Variants in PTPRJ observed in about 807,000 individuals in gnomAD.
The protein encoded by PTPRJ is receptor-type tyrosine-protein phosphatase eta.
A neutral mutation model predicts 141.3 loss-of-function variants in PTPRJ; 129 were observed. That is an observed-to-expected ratio of 0.91 (90% CI 0.79 to 1.06). PTPRJ has a LOEUF of 1.06. PTPRJ is among the 50% of genes least tolerant of loss of function. PTPRJ has a pLI of 0.00. For synonymous variants in PTPRJ, 610 were observed against 640.5 expected (o/e 0.95, Z 0.72); for missense variants, 1,601 against 1,679.7 (o/e 0.95, Z 0.82).
At chr11:48,092,005 C>T (rs1855876927) in intron 1 of PTPRJ, among the ~76,000 whole-genome samples, 1 of 152,068 alleles carries the variant, frequency 6.6e-6, no homozygotes, top group Non-Finnish European at 1.5e-5. Context: ...TTTAGAAATG[C>T]AGGTAGGTGG....
At chr11:48,120,918 C>A in intron 3 of PTPRJ, 85 bp from the exon 4 acceptor site, 1 of 1,269,508 alleles carries the variant, frequency 7.9e-7, no homozygotes, top group East Asian at 2.5e-5. Context: ...AAAGTCACTT[C>A]TGGAAACTAG....
Position 48,046,910 on chromosome 11 carries a change from A to AT in PTPRJ, c.97-63147dup, listed in dbSNP as rs1281439545. Among the ~76,000 whole-genome samples the AT allele has an allele frequency of 1.4e-3, 121 of 87,058 alleles. 1 individual carries two copies. Among genetic ancestry groups the AT allele is most frequent in the African/African-American group, 6.8e-3 (88 of 12,856 alleles). 57.1% of individuals were successfully genotyped at this position (87,058 alleles called of 152,430 possible). On this transcript the variant is annotated intron_variant, in intron 1 of 24. Coordinates refer to ENST00000418331, the MANE Select transcript of PTPRJ (RefSeq NM_002843.4). Reference sequence around the variant, plus strand: ...TTTACATATATATATATATATATATATATTTTTTTTTTTTTTTTTTTTTGA... The same window carrying AT: ...TTTACATATATATATATATATATATATTATTTTTTTTTTTTTTTTTTTTTGA...
At chr11:48,136,426 T>G (rs139766371) in intron 9 of PTPRJ, 130 bp downstream of exon 9, 123 of 1,167,162 alleles carry the variant, frequency 1.1e-4, no homozygotes, top group Non-Finnish European at 1.4e-4. Context: ...GTTGAAAACA[T>G]TGGTCTCAGC....
intron 1 of PTPRJ, among the ~76,000 whole-genome samples, chr11:48,050,520 A>G (rs963266922): frequency 9.2e-5 from 14 of 152,236 alleles, no homozygotes; most frequent in Admixed American, 3.3e-4. Flanking sequence ...TTCAATATGT[A>G]TAGTTCCTGT....
intron 1 of PTPRJ, among the ~76,000 whole-genome samples, chr11:48,058,039 G>C (rs1482342737): frequency 6.6e-6 from 1 of 151,974 alleles, no homozygotes; most frequent in East Asian, 1.9e-4. Context: ...AGCCTCCCGA[G>C]TAGCTGGGAT....
intron 1 of PTPRJ, among the ~76,000 whole-genome samples, chr11:48,030,796 A>G (rs1590418854): frequency 6.6e-6 from 1 of 151,960 alleles, no homozygotes; most frequent in East Asian, 1.9e-4. Context: ...TTCCTGCTGC[A>G]TCAGCTCTCT....
intron 3 of PTPRJ, among the ~76,000 whole-genome samples, chr11:48,115,775 A>C (rs907700500): frequency 6.6e-6 from 1 of 152,218 alleles, no homozygotes; most frequent in Non-Finnish European, 1.5e-5. Context: ...TGGTGACATA[A>C]ACAATTCATA....
At chr11:48,083,904 A>C (rs560300945) in intron 1 of PTPRJ, among the ~76,000 whole-genome samples, 22 of 152,358 alleles carry the variant, frequency 1.4e-4, no homozygotes, top group Non-Finnish European at 2.4e-4. Context: ...TATTTTTATA[A>C]TAATAGTAAA....
intron 8 of PTPRJ, chr11:48,132,266 T>C: frequency 1.0e-6 from 1 of 985,318 alleles, no homozygotes; most frequent in Non-Finnish European, 1.2e-6. Flanking sequence ...TCAGCTACGG[T>C]GGCCTGCACC....
intron 1 of PTPRJ, among the ~76,000 whole-genome samples, chr11:48,045,963 G>A (rs966233609): frequency 6.6e-6 from 1 of 152,150 alleles, no homozygotes; most frequent in Non-Finnish European, 1.5e-5. Context: ...TGTTTGTGAT[G>A]TCATCTGTGC....
At chr11:48,098,858 A>G (rs993909753) in intron 1 of PTPRJ, among the ~76,000 whole-genome samples, 6 of 152,160 alleles carry the variant, frequency 3.9e-5, no homozygotes, top group Non-Finnish European at 8.8e-5. Context: ...GTTCCTTCCC[A>G]TGTCTTATCC....
intron 4 of PTPRJ, 82 bp from the exon 5 acceptor site, chr11:48,123,531 C>T (rs1856757987): frequency 6.9e-7 from 1 of 1,448,562 alleles, no homozygotes; most frequent in Non-Finnish European, 9.3e-7. Flanking sequence ...AAACCCGCTC[C>T]CAGCACTGAA....
At chr11:48,161,029 T>C (rs1434317376) in intron 22 of PTPRJ, among the ~76,000 whole-genome samples, 1 of 151,586 alleles carries the variant, frequency 6.6e-6, no homozygotes, top group Non-Finnish European at 1.5e-5. Flanking sequence ...AACCCAAAAA[T>C]TAGCCAGGCA....
At chr11:48,151,859 C>T (rs919315444) in intron 18 of PTPRJ, among the ~76,000 whole-genome samples, 2 of 152,126 alleles carry the variant, frequency 1.3e-5, no homozygotes, top group Non-Finnish European at 2.9e-5. Flanking sequence ...ATGGGCATTT[C>T]GGTTGGTTCC....
Position 48,112,731 on chromosome 11 carries a change from T to G in PTPRJ, c.116-16T>G. 1 of 1,561,954 alleles carries G rather than the reference T, an allele frequency of 6.4e-7. No homozygotes were observed. The highest frequency in any genetic ancestry group is 8.8e-7 in the Non-Finnish European group (1 of 1,133,360). On this transcript the variant is annotated splice_polypyrimidine_tract_variant and intron_variant, in intron 2 of 24. Transcript: ENST00000418331. ...GAAATATATTTTTAATCTAATTGTT[T>G]ACTTTCTTTGCATAGCCCCTAGTCC...
chr11:48,025,140 G>C (rs1228040), intron 1 of PTPRJ, among the ~76,000 whole-genome samples: 10,094 of 152,166 alleles, frequency 0.066, 1,071 homozygotes, highest in African/African-American at 0.23. Context: ...TCTAGGGGGG[G>C]CATACATCTA....
intron 1 of PTPRJ, among the ~76,000 whole-genome samples, chr11:48,012,056 A>G (rs1353691355): frequency 6.6e-6 from 1 of 151,936 alleles, no homozygotes. Flanking sequence ...GTTTCCATTT[A>G]TGCGTATTTT....
In PTPRJ at chr11:48,127,855, A is replaced by G. The variant is rs767889614; in HGVS notation, c.1169A>G (p.Asp390Gly). 5 of 1,614,204 alleles carry G rather than the reference A, an allele frequency of 3.1e-6. No homozygotes were observed. The highest frequency in any genetic ancestry group is 1.1e-5 in the South Asian group (1 of 91,078). ...CTGACCCTGATCTGGAAAGTCAGCG[A>G]TAACGAGTCGTCATCTAACTATACC... ...TSLTLIWKVS[D>G]NESSSNYTYK... The change falls in exon 7 of 25, where the codon GAT (aspartate) becomes GGT (glycine). Residue 390 changes from aspartate to glycine, a missense_variant. By Grantham distance (94) the Asp-to-Gly change is moderately conservative. Transcript: ENST00000418331.
intron 1 of PTPRJ, among the ~76,000 whole-genome samples, chr11:48,028,660 G>A (rs1204862958): frequency 3.3e-5 from 5 of 152,106 alleles, no homozygotes; most frequent in South Asian, 2.1e-4. Flanking sequence ...GTGTGGTGGC[G>A]GGCACCCATA....
Sources: allele counts gnomAD v4.1 joint callset (sites outside exome capture counted in the v4.1 genomes callset), GRCh38; gene constraint gnomAD v4.1.1; transcripts MANE v1.5; gene names NCBI Gene and HGNC (gene_info 2026-07-23, HGNC 2026-07-21).